The following DGKI variants were observed in gnomAD, a reference collection of about 807,000 sequenced individuals.
The protein encoded by DGKI is DAG kinase iota.
DGKI carries 55 observed loss-of-function variants against 147.5 expected under a neutral mutation model. The observed-to-expected ratio is 0.37, with a 90% CI of 0.30 to 0.47. The LOEUF is 0.47. Among genes scored for constraint, DGKI ranks in the 20% least tolerant of loss-of-function variants. The pLI is 1.00. For missense variants in DGKI, 1,007 were observed against 1,323.8 expected (o/e 0.76, Z 3.71); for synonymous variants, 469 against 477.1 (o/e 0.98, Z 0.22).
chr7:137,545,229 C>A (rs1383548067), intron 20 of DGKI, among the ~76,000 whole-genome samples: 2 of 151,922 alleles, frequency 1.3e-5, no homozygotes, highest in African/African-American at 4.8e-5. Flanking sequence ...TGTAACAGTC[C>A]CTGAAACATA....
At chr7:137,443,428 T>A (rs560048947) in intron 28 of DGKI, among the ~76,000 whole-genome samples, 14 of 152,304 alleles carry the variant, frequency 9.2e-5, no homozygotes, top group Admixed American at 4.6e-4. Context: ...TATAGCATAT[T>A]TGTAAAACAT....
chr7:137,433,570 A>G (rs1443193997), intron 28 of DGKI, among the ~76,000 whole-genome samples: 2 of 152,250 alleles, frequency 1.3e-5, no homozygotes, highest in East Asian at 3.8e-4. Context: ...CCTTGGTTTC[A>G]CTGGGTGTTA....
rs144702777 is a variant in DGKI, at chr7:137,508,375, C to T, written c.2248+13491G>A. The stretch of plus-strand genomic sequence containing the variant: ...CTGCGTAGCTGGGACTACAGGCACC[C>T]ACCACCATGTCCAGCTAATTTTTTG... On this transcript the variant is annotated intron_variant, in intron 21 of 32. Transcript: ENST00000614521. Among the ~76,000 whole-genome samples the T allele has an allele frequency of 5.2e-3, 783 of 152,014 alleles. 3 individuals carry two copies. The highest frequency in any genetic ancestry group is 7.8e-3 in the Non-Finnish European group (533 of 67,956).
At chr7:137,798,253 C>T (rs1386949696) in intron 1 of DGKI, among the ~76,000 whole-genome samples, 5 of 152,126 alleles carry the variant, frequency 3.3e-5, no homozygotes, top group Non-Finnish European at 7.4e-5. Context: ...CTGGGGAATT[C>T]TACCAATCAT....
At chr7:137,671,286 A>G (rs1198127376) in intron 3 of DGKI, among the ~76,000 whole-genome samples, 1 of 152,230 alleles carries the variant, frequency 6.6e-6, no homozygotes, top group Non-Finnish European at 1.5e-5. Flanking sequence ...TTCACCAATA[A>G]GAAGACACAG....
intron 1 of DGKI, among the ~76,000 whole-genome samples, chr7:137,780,141 C>T (rs1310128844): frequency 6.6e-6 from 1 of 152,190 alleles, no homozygotes; most frequent in Non-Finnish European, 1.5e-5. Flanking sequence ...TCAGAGACAT[C>T]ACCAGATTGC....
At chr7:137,764,574 G>A (rs1056703427) in intron 1 of DGKI, among the ~76,000 whole-genome samples, 18 of 152,148 alleles carry the variant, frequency 1.2e-4, no homozygotes, top group African/African-American at 4.3e-4. Context: ...TCCAAAGGCA[G>A]ACCACTCACC....
chr7:137,424,801 G>C (rs916108837), intron 28 of DGKI, among the ~76,000 whole-genome samples: 1 of 152,218 alleles, frequency 6.6e-6, no homozygotes, highest in Non-Finnish European at 1.5e-5. Context: ...ACAGCAGTCT[G>C]AGATCAAACT....
intron 28 of DGKI, among the ~76,000 whole-genome samples, chr7:137,429,208 T>C (rs1268120088): frequency 6.6e-6 from 1 of 151,640 alleles, no homozygotes; most frequent in Non-Finnish European, 1.5e-5. Context: ...AACAGAGATA[T>C]AGATCAATGG....
Position 137,763,110 on chromosome 7 carries a change from G to A in DGKI, c.402-73108C>T, listed in dbSNP as rs567701827. ...CAGAGTCCACATGAGAATTCTCTCT[G>A]GTTAGGTACTCATTCACTCAAGTGG... On this transcript the variant is annotated intron_variant, in intron 1 of 32. Coordinates refer to ENST00000614521, the MANE Select transcript of DGKI (RefSeq NM_001321708.2). Among the ~76,000 whole-genome samples the A allele has an allele frequency of 1.5e-3, 222 of 152,304 alleles. 1 individual carries two copies. Among genetic ancestry groups the A allele is most frequent in the Non-Finnish European group, 2.6e-3 (174 of 68,030 alleles).
At position 137,388,232 on chromosome 7, in the gene DGKI, A is replaced by T. The variant is rs1028679968; in HGVS notation, c.*2988T>A. On this transcript the variant is annotated 3_prime_UTR_variant, in exon 33 of 33. Coordinates refer to ENST00000614521, the MANE Select transcript of DGKI (RefSeq NM_001321708.2). ...GAAGTCCTTGAATACGATAAAGCAC[A>T]GTTTAACTGTGTTCTATTTTGTTAA... 6.6e-6 allele frequency: 1 copy of T among 152,224 alleles called. No individual in the cohort carries two copies. Among genetic ancestry groups the T allele is most frequent in the Non-Finnish European group, 1.5e-5 (1 of 68,038 alleles). The allele number at this position is 152,224 out of a possible 1,614,324, so 9.4% of individuals were successfully genotyped here. A position where few individuals can be genotyped will look rare whatever the true frequency, so the allele number is the denominator to read the frequency against.
At position 137,407,607 on chromosome 7, in the gene DGKI, A is replaced by G. The variant is rs553110484; in HGVS notation, c.2920+268T>C. On this transcript the variant is annotated intron_variant, in intron 30 of 32. Transcript: ENST00000614521. ...CTGCATTTATTTTTGTCCTCTATTTAAAAAAAAAAACTAATTAGTCTGAAA... is the reference window on the plus strand; with the variant it reads ...CTGCATTTATTTTTGTCCTCTATTTGAAAAAAAAAACTAATTAGTCTGAAA... 7.5e-5 allele frequency among the ~76,000 whole-genome samples: 11 copies of G among 146,734 alleles called. 1 individual carries two copies. In the Admixed American group the frequency reaches 7.5e-4, roughly 10 times the overall value.
rs150715348 is a variant in DGKI at position 137,589,897 on chromosome 7, G to T, written c.1312-2687C>A. ...CCCAAGTCAGCCCGTTTTCTTTCAGGCAGATTTAAATTAGACATTTTTCTT... is the reference window on the plus strand; with the variant it reads ...CCCAAGTCAGCCCGTTTTCTTTCAGTCAGATTTAAATTAGACATTTTTCTT... On this transcript the variant is annotated intron_variant, in intron 12 of 32. Coordinates refer to ENST00000614521, the MANE Select transcript of DGKI (RefSeq NM_001321708.2). 1.5e-4 allele frequency among the ~76,000 whole-genome samples: 23 copies of T among 152,198 alleles called. No individual in the cohort carries two copies. In the East Asian group the frequency reaches 4.4e-3, roughly 29 times the overall value.
intron 20 of DGKI, among the ~76,000 whole-genome samples, chr7:137,549,979 C>T (rs1451439213): frequency 1.3e-5 from 2 of 152,090 alleles, no homozygotes; most frequent in Non-Finnish European, 2.9e-5. Flanking sequence ...GATAATTTTT[C>T]ACAAGTACTA....
At chr7:137,403,634 T>C (rs1199678289) in intron 30 of DGKI, among the ~76,000 whole-genome samples, 1 of 152,160 alleles carries the variant, frequency 6.6e-6, no homozygotes, top group African/African-American at 2.4e-5. Flanking sequence ...AAAGAGCCTG[T>C]GAATCCTTCA....
At chr7:137,736,291 T>G (rs1489197905) in intron 1 of DGKI, among the ~76,000 whole-genome samples, 1 of 152,100 alleles carries the variant, frequency 6.6e-6, no homozygotes, top group Admixed American at 6.6e-5. Flanking sequence ...ATATTTAGCA[T>G]GCAATCTCCA....
chr7:137,619,903 A>G lies in DGKI; in HGVS notation c.914T>C (p.Ile305Thr). The G allele has an allele frequency of 1.9e-6, 3 of 1,614,022 alleles. No individual in the cohort carries two copies. Among genetic ancestry groups the G allele is most frequent in the Middle Eastern group, 1.7e-4 (1 of 6,052 alleles). The change falls in exon 8 of 33, where the codon ATT becomes ACT. Residue 305 changes from isoleucine to threonine, a missense_variant. This residue lies in a region of DGKI where 259 missense variants were observed against 362.5 expected (regional missense o/e 0.71). Transcript: ENST00000614521. The stretch of plus-strand genomic sequence containing the variant: ...AGCCCCCAGGGAGCAGGGTTCTTCA[A>G]TGTGATGCAGCATGAAGCAGGTCAC... The part of the protein sequence containing the change: ...NKVTCFMLHH[I>T]EEPCSLGAHA...
chr7:137,759,229 C>A (rs181721419), intron 1 of DGKI, among the ~76,000 whole-genome samples: 61 of 152,308 alleles, frequency 4.0e-4, no homozygotes, highest in Admixed American at 8.5e-4. Flanking sequence ...TTTTCTATTT[C>A]TTAGTTCACT....
At chr7:137,634,573 T>C (rs182666437) in intron 6 of DGKI, among the ~76,000 whole-genome samples, 2 of 152,274 alleles carry the variant, frequency 1.3e-5, no homozygotes, top group East Asian at 1.9e-4. Context: ...CCTTAATCCA[T>C]TGTTATAGTA....
Sources: allele counts gnomAD v4.1 joint callset (sites outside exome capture counted in the v4.1 genomes callset), GRCh38; gene constraint gnomAD v4.1.1; regional missense constraint gnomAD v4.1.1; transcripts MANE v1.5; gene names NCBI Gene and HGNC (gene_info 2026-07-23, HGNC 2026-07-21).